Variants in SMAD5 observed in about 807,000 individuals in gnomAD.
SMAD5 encodes SMAD family member 5, also known as MAD, mothers against decapentaplegic homolog 5.
In SMAD5, 9 loss-of-function variants were observed where a neutral mutation model predicts 43.1. The ratio of observed to expected loss-of-function variants is 0.21; its 90% confidence interval spans 0.13 to 0.36. The LOEUF is 0.36. SMAD5 is among the 10% of genes least tolerant of loss of function. The pLI is 1.00. For synonymous variants in SMAD5, 190 were observed against 192.4 expected (o/e 0.99, Z 0.10); for missense variants, 348 against 574.0 (o/e 0.61, Z 4.02).
intron 5 of SMAD5, among the ~76,000 whole-genome samples, chr5:136,168,139 C>A (rs1341632765): frequency 6.6e-6 from 1 of 152,110 alleles, no homozygotes. Context: ...CCGCACCCAG[C>A]CATATTCCTG....
chr5:136,172,202 C>T (rs1016364117), intron 5 of SMAD5, among the ~76,000 whole-genome samples: 3 of 152,164 alleles, frequency 2.0e-5, no homozygotes, highest in Non-Finnish European at 2.9e-5. Flanking sequence ...GAGCAAGCTA[C>T]GACTATTGCC....
chr5:136,150,435 C>T (rs932380294), intron 2 of SMAD5, among the ~76,000 whole-genome samples: 1 of 151,894 alleles, frequency 6.6e-6, no homozygotes, highest in Non-Finnish European at 1.5e-5. Flanking sequence ...TGTGGTATGG[C>T]ACATGCAATG....
intron 1 of SMAD5, among the ~76,000 whole-genome samples, chr5:136,137,725 T>G (rs1170440265): frequency 6.6e-6 from 1 of 152,212 alleles, no homozygotes; most frequent in Admixed American, 6.5e-5. Context: ...TTCTGTCTAC[T>G]TTACTCATTG....
chr5:136,165,661 A>AGT (rs1554103608), intron 5 of SMAD5, among the ~76,000 whole-genome samples: 1 of 50,806 alleles, frequency 2.0e-5, no homozygotes, highest in Non-Finnish European at 3.1e-5. Flanking sequence ...GGAATCATAC[A>AGT]ATTTTTTTTT....
rs1561646505 is a variant in SMAD5, at chr5:136,153,587, T to C, written c.-169-5T>C. 3.6e-6 allele frequency: 2 copies of C among 551,874 alleles called. No individual in the cohort carries two copies. The highest frequency in any genetic ancestry group is 6.4e-6 in the Non-Finnish European group (2 of 313,374). The allele number at this position is 551,874 out of a possible 1,614,324, so 34.2% of individuals were successfully genotyped here. A position where few individuals can be genotyped will look rare whatever the true frequency, so the allele number is the denominator to read the frequency against. ...ACTAGGATCCTTTCCCCCTTTCTCT[T>C]TCAGGACTTGACCCAATGAAAGAAG... On this transcript the variant is annotated splice_polypyrimidine_tract_variant and splice_region_variant and intron_variant, in intron 2 of 7. Transcript: ENST00000545279.
intron 1 of SMAD5, among the ~76,000 whole-genome samples, chr5:136,144,281 G>T (rs1208019591): frequency 2.0e-5 from 3 of 151,976 alleles, no homozygotes; most frequent in Non-Finnish European, 4.4e-5. Flanking sequence ...TTTCTTTTAT[G>T]ATGCTCATGG....
chr5:136,161,804 T>C (rs1176450902), intron 4 of SMAD5, among the ~76,000 whole-genome samples: 1 of 152,222 alleles, frequency 6.6e-6, no homozygotes, highest in African/African-American at 2.4e-5. Context: ...GTACAGTAAG[T>C]CCTCACTTGA....
At chr5:136,157,050 C>T (rs1360747361) in intron 3 of SMAD5, among the ~76,000 whole-genome samples, 1 of 152,110 alleles carries the variant, frequency 6.6e-6, no homozygotes, top group African/African-American at 2.4e-5. Flanking sequence ...ATAGTAGTAA[C>T]AGTGATAGCA....
chr5:136,162,613 G>T (rs1185482857), intron 4 of SMAD5, among the ~76,000 whole-genome samples: 1 of 152,128 alleles, frequency 6.6e-6, no homozygotes, highest in African/African-American at 2.4e-5. Context: ...GACAAATTCG[G>T]TTCTTATTTA....
chr5:136,178,473 T>C lies in SMAD5; in HGVS notation c.*993T>C, dbSNP rs905094980. 4.6e-5 allele frequency: 7 copies of C among 152,508 alleles called. No homozygotes were observed. Among genetic ancestry groups the C allele is most frequent in the Admixed American group, 2.6e-4 (4 of 15,288 alleles). 9.4% of individuals were successfully genotyped at this position (152,508 alleles called of 1,614,324 possible). A position where few individuals can be genotyped will look rare whatever the true frequency, so the allele number is the denominator to read the frequency against. On this transcript the variant is annotated 3_prime_UTR_variant, in exon 8 of 8. Transcript: ENST00000545279. Reference sequence around the variant, plus strand: ...TATAGATTACATTTGTAGGAAGTTATGCTTTTTTCTGGTTTTTGTTTTACT... The same window carrying C: ...TATAGATTACATTTGTAGGAAGTTACGCTTTTTTCTGGTTTTTGTTTTACT...
intron 7 of SMAD5, among the ~76,000 whole-genome samples, chr5:136,176,457 C>CAAAAAAAAAAAAAAA (rs60311104): frequency 7.3e-5 from 5 of 68,510 alleles, no homozygotes; most frequent in East Asian, 4.8e-4. Flanking sequence ...CTCTGTCTCA[C>CAAAAAAAAAAAAAAA]AAAAAAAAAA....
At chr5:136,170,131 C>CATGAATA (rs1458751060) in intron 5 of SMAD5, among the ~76,000 whole-genome samples, 1 of 151,944 alleles carries the variant, frequency 6.6e-6, no homozygotes, top group Non-Finnish European at 1.5e-5. Flanking sequence ...TTATTTCTTC[C>CATGAATA]ATGAATTGTA....
At chr5:136,153,433 G>T (rs1753532963) in intron 2 of SMAD5, among the ~76,000 whole-genome samples, 159 bp from the exon 3 acceptor site, 1 of 152,076 alleles carries the variant, frequency 6.6e-6, no homozygotes, top group Non-Finnish European at 1.5e-5. Flanking sequence ...AAGGAATCGA[G>T]TGGTCACAGA....
At chr5:136,150,517 CTT>C (rs1425134829) in intron 2 of SMAD5, among the ~76,000 whole-genome samples, 1 of 151,842 alleles carries the variant, frequency 6.6e-6, no homozygotes, top group Non-Finnish European at 1.5e-5. Flanking sequence ...TTATTTATGA[CTT>C]ATTAATTAGT....
intron 1 of SMAD5, among the ~76,000 whole-genome samples, chr5:136,137,612 A>G (rs2149758130): frequency 6.6e-6 from 1 of 152,288 alleles, no homozygotes; most frequent in Admixed American, 6.5e-5. Context: ...TAGGCTGTAC[A>G]ACTTGAGTTC....
intron 1 of SMAD5, chr5:136,147,367 TG>T (rs1186049082): frequency 2.6e-5 from 4 of 151,886 alleles, no homozygotes; most frequent in African/African-American, 9.7e-5. Flanking sequence ...CAAATTAAGC[TG>T]GATTATTCTT....
At chr5:136,135,155 C>G (rs904818299) in intron 1 of SMAD5, among the ~76,000 whole-genome samples, 1 of 152,168 alleles carries the variant, frequency 6.6e-6, no homozygotes, top group Non-Finnish European at 1.5e-5. Context: ...CTATTAATTT[C>G]AGTGGGAGAC....
At position 136,172,525 on chromosome 5, in the gene SMAD5, A is replaced by G. The variant is rs970959190; in HGVS notation, c.867A>G (p.Ala289=). The G allele has an allele frequency of 1.2e-5, 19 of 1,609,828 alleles. No homozygotes were observed. The highest frequency in any genetic ancestry group is 1.5e-5 in the Non-Finnish European group (18 of 1,176,262). The stretch of plus-strand genomic sequence containing the variant: ...ATCGTGTTGGAGAAGCTTTTCATGC[A>G]TCTTCTACTAGTGTGTTAGTAGATG... ...LNNRVGEAFH[A]SSTSVLVDGF... The change falls in exon 6 of 8, where the codon GCA becomes GCG. Residue 289 remains alanine, a synonymous_variant. Coordinates refer to ENST00000545279, the MANE Select transcript of SMAD5 (RefSeq NM_005903.7).
In SMAD5 at chr5:136,161,009, C is replaced by T. The variant is rs373727015; in HGVS notation, c.557C>T (p.Pro186Leu). 1.2e-6 allele frequency: 2 copies of T among 1,613,898 alleles called. No homozygotes were observed. The highest frequency in any genetic ancestry group is 1.7e-5 in the Admixed American group (1 of 60,016). Residue 186 changes from proline to leucine, a missense_variant, in exon 4 of 8, where the codon CCC becomes CTC. Physicochemically the swap from Pro to Leu is moderately conservative, Grantham distance 98. Transcript: ENST00000545279. ...CACCAGCCCAACAACACTCCTTTTC[C>T]CTTATCTCCAAACAGCCCTTATCCC... is the stretch of plus-strand genomic sequence containing the variant. ...SFHQPNNTPFPLSPNSPYPPS... is the reference protein window; with the variant it reads ...SFHQPNNTPFLLSPNSPYPPS...
Sources: allele counts gnomAD v4.1 joint callset (sites outside exome capture counted in the v4.1 genomes callset), GRCh38; gene constraint gnomAD v4.1.1; transcripts MANE v1.5; gene names NCBI Gene and HGNC (gene_info 2026-07-23, HGNC 2026-07-21).